The following TFEB variants were observed in gnomAD, a reference collection of about 807,000 sequenced individuals.
The protein encoded by TFEB is T-cell transcription factor EB.
A neutral mutation model predicts 48.0 loss-of-function variants in TFEB; 12 were observed. That is an observed-to-expected ratio of 0.25 (90% CI 0.16 to 0.40). The LOEUF (loss-of-function observed/expected upper bound fraction) is 0.40, where lower values mean the gene tolerates loss of function less well. Ranked by LOEUF, TFEB falls within the 10% of genes least tolerant of loss-of-function variation. The pLI is 1.00. For synonymous variants in TFEB, 244 were observed against 261.4 expected (o/e 0.93, Z 0.64); for missense variants, 509 against 640.3 (o/e 0.79, Z 2.21).
chr6:41,702,449 T>C (rs1347443869), intron 1 of TFEB, among the ~76,000 whole-genome samples: 6 of 150,744 alleles, frequency 4.0e-5, no homozygotes, highest in African/African-American at 1.5e-4. Context: ...GGGGGAGGAG[T>C]GGGACTCAGC....
chr6:41,721,981 T>TATG (rs201059934), intron 1 of TFEB, among the ~76,000 whole-genome samples: 71 of 152,096 alleles, frequency 4.7e-4, no homozygotes, highest in Admixed American at 1.3e-3. Flanking sequence ...TTCCTTATAT[T>TATG]ATTATTATTA....
In TFEB at chr6:41,691,363, G is replaced by A. The variant is rs1769307369; in HGVS notation, c.-22-128C>T. ...GAGGAGAAGACACCGAGCCCTGAGA[G>A]GGGAAGAGATTTGCCCAAGGTCACT... On this transcript the variant is annotated intron_variant, in intron 1 of 8. Transcript: ENST00000373033. This position sits in a 1 kb window ranked among gnomAD's most constrained non-coding sequence, Gnocchi z 5.2. The A allele has an allele frequency of 3.0e-6, 3 of 986,376 alleles. No homozygotes were observed. The allele number at this position is 986,376 out of a possible 1,614,324, so 61.1% of individuals were successfully genotyped here. A position where few individuals can be genotyped will look rare whatever the true frequency, so the allele number is the denominator to read the frequency against.
intron 1 of TFEB, among the ~76,000 whole-genome samples, chr6:41,710,455 A>G (rs1035629903): frequency 6.6e-6 from 1 of 152,242 alleles, no homozygotes. Flanking sequence ...AACAGAATGC[A>G]GGGATTTGGG....
intron 1 of TFEB, among the ~76,000 whole-genome samples, chr6:41,698,666 G>A (rs893539787): frequency 5.9e-5 from 9 of 152,196 alleles, no homozygotes; most frequent in Non-Finnish European, 1.2e-4. Context: ...TCAGTCGTGG[G>A]GGAGCTGCCC....
chr6:41,692,599 T>A (rs1306136903), intron 1 of TFEB, among the ~76,000 whole-genome samples: 1 of 152,216 alleles, frequency 6.6e-6, no homozygotes, highest in Non-Finnish European at 1.5e-5. Flanking sequence ...TCCTACAGCT[T>A]GGCCCACTCT....
At chr6:41,699,087 G>C (rs1380381554) in intron 1 of TFEB, among the ~76,000 whole-genome samples, 6 of 152,250 alleles carry the variant, frequency 3.9e-5, no homozygotes, top group Non-Finnish European at 8.8e-5. Context: ...TTGGGTTCAA[G>C]TCTTAGCCTT....
chr6:41,694,705 C>A (rs147883702), intron 1 of TFEB, among the ~76,000 whole-genome samples: 1 of 152,104 alleles, frequency 6.6e-6, no homozygotes, highest in Admixed American at 6.5e-5. Context: ...CATGGGAGAA[C>A]CAAAATGTCC....
chr6:41,690,428 C>T (rs1045925709), intron 3 of TFEB, among the ~76,000 whole-genome samples: 1 of 152,252 alleles, frequency 6.6e-6, no homozygotes, highest in African/African-American at 2.4e-5. Context: ...CGGCACCTGA[C>T]TTCCTAGCAG....
intron 1 of TFEB, among the ~76,000 whole-genome samples, chr6:41,717,432 G>A (rs1198001332): frequency 6.6e-6 from 1 of 152,212 alleles, no homozygotes; most frequent in Admixed American, 6.5e-5. Context: ...GCACGTTCAT[G>A]TATGATATCA....
chr6:41,713,610 AG>A (rs1369502840), intron 1 of TFEB, among the ~76,000 whole-genome samples: 1 of 152,146 alleles, frequency 6.6e-6, no homozygotes, highest in Non-Finnish European at 1.5e-5. Flanking sequence ...GCGAGGAAGG[AG>A]GGGAGAACTC....
intron 1 of TFEB, among the ~76,000 whole-genome samples, chr6:41,729,849 G>A (rs1422390870): frequency 2.6e-5 from 4 of 152,236 alleles, no homozygotes; most frequent in Admixed American, 6.5e-5. Flanking sequence ...CCCAAAGTCA[G>A]AGACACAGAA....
rs890814726 is a variant in TFEB, at chr6:41,690,820, A to G, written c.311T>C (p.Phe104Ser). ...CTGGGCTGGGCTGATGTGGGCAGCA[A>G]ACTTGTTCCCATAGGTCTCGGACAG... Reference protein sequence around the residue: ...EYLSETYGNKFAAHISPAQGS... With the variant: ...EYLSETYGNKSAAHISPAQGS... Residue 104 changes from phenylalanine to serine, a missense_variant, in exon 3 of 9, where the codon TTT (phenylalanine) becomes TCT (serine). Around this residue, in one of 4 missense-constraint regions of TFEB, gnomAD observed 251 missense variants for 317.2 expected, o/e 0.79. Transcript: ENST00000373033. 2.5e-5 allele frequency: 40 copies of G among 1,613,206 alleles called. No individual in the cohort carries two copies. The highest frequency in any genetic ancestry group is 3.4e-5 in the Non-Finnish European group (40 of 1,179,648).
intron 1 of TFEB, among the ~76,000 whole-genome samples, chr6:41,713,147 C>G (rs1770560874): frequency 6.6e-6 from 1 of 151,952 alleles, no homozygotes; most frequent in African/African-American, 2.4e-5. Flanking sequence ...CCCCAGCTTA[C>G]CAGGGCCCTG....
chr6:41,735,202 G>A (rs1479596670), intron 1 of TFEB, 148 bp downstream of exon 1: 2 of 897,240 alleles, frequency 2.2e-6, no homozygotes, highest in East Asian at 2.4e-4. Context: ...ACTGCGGGTG[G>A]GTGGCGGCGC....
chr6:41,690,369 A>C (rs774737534), intron 3 of TFEB, among the ~76,000 whole-genome samples: 4 of 152,154 alleles, frequency 2.6e-5, no homozygotes, highest in Non-Finnish European at 5.9e-5. Context: ...ACCTCAAGTG[A>C]TCTGGCTGCC....
At chr6:41,718,970 C>A (rs1770860416) in intron 1 of TFEB, among the ~76,000 whole-genome samples, 1 of 152,202 alleles carries the variant, frequency 6.6e-6, no homozygotes. Context: ...GGTTAGGAAC[C>A]AGACCACACA....
At position 41,734,753 on chromosome 6, in the gene TFEB, G is replaced by C; in HGVS notation, c.-23+597C>G. On this transcript the variant is annotated intron_variant, in intron 1 of 8. Coordinates refer to ENST00000373033, the MANE Select transcript of TFEB (RefSeq NM_001271944.2). The surrounding 1 kb of genome is among the most constrained non-coding windows in gnomAD (Gnocchi z 4.0). ...CCAGGGGCGGCTTCTTCAAGAGACC[G>C]AGCTGGAGGAAGGGACGGGAAGGGA... 4.3e-6 allele frequency: 2 copies of C among 470,124 alleles called. No individual in the cohort carries two copies. The highest frequency in any genetic ancestry group is 5.6e-6 in the Non-Finnish European group (2 of 358,540). 29.1% of individuals were successfully genotyped at this position (470,124 alleles called of 1,614,324 possible). A position where few individuals can be genotyped will look rare whatever the true frequency, so the allele number is the denominator to read the frequency against.
rs78269303 is a variant in TFEB, at chr6:41,692,667, C to T, written c.-22-1432G>A. Among the ~76,000 whole-genome samples the T allele has an allele frequency of 6.7e-3, 1,028 of 152,334 alleles. 6 individuals are homozygous for T. The highest frequency in any genetic ancestry group is 0.023 in the African/African-American group (976 of 41,580). ...GACCCTGGGTAAGTCCCCTCCCCCT[C>T]TGAGCCTCCATCTCTCCATGCACAA... On this transcript the variant is annotated intron_variant, in intron 1 of 8. Transcript: ENST00000373033.
Position 41,735,416 on chromosome 6 carries a change from G to T in TFEB, c.-89C>A. 1 of 985,514 alleles carries T rather than the reference G, an allele frequency of 1.0e-6. No individual in the cohort carries two copies. The highest frequency in any genetic ancestry group is 1.2e-6 in the Non-Finnish European group (1 of 830,406). The allele number at this position is 985,514 out of a possible 1,614,324, so 61.0% of individuals were successfully genotyped here. ...GCTCCGGCAACTTGTCGCAAGTTCG[G>T]GTGCCTGGCCCGCAAGCTGTGCCCG... On this transcript the variant is annotated 5_prime_UTR_variant, in exon 1 of 9. Coordinates refer to ENST00000373033, the MANE Select transcript of TFEB (RefSeq NM_001271944.2).
Sources: allele counts gnomAD v4.1 joint callset (sites outside exome capture counted in the v4.1 genomes callset), GRCh38; gene constraint gnomAD v4.1.1; regional missense constraint gnomAD v4.1.1; non-coding constraint Gnocchi (gnomAD v3.1); transcripts MANE v1.5; gene names NCBI Gene and HGNC (gene_info 2026-07-23, HGNC 2026-07-21).